The following MEIOB variants were observed in gnomAD, a reference collection of about 807,000 sequenced individuals.
The protein encoded by MEIOB is meiosis specific with OB-fold.
MEIOB carries 50 observed loss-of-function variants against 53.1 expected under a neutral mutation model. The observed-to-expected ratio is 0.94, with a 90% confidence interval of 0.75 to 1.19. The LOEUF is 1.19. MEIOB is among the 50% of genes most tolerant of loss of function. MEIOB has a pLI of 0.00. For synonymous variants in MEIOB, 192 were observed against 182.5 expected (o/e 1.05, Z -0.42); for missense variants, 551 against 550.8 (o/e 1.00, Z 0.00).
chr16:1,867,305 C>T (rs73492269), intron 2 of MEIOB, among the ~76,000 whole-genome samples: 2,175 of 151,996 alleles, frequency 0.014, 55 homozygotes, highest in African/African-American at 0.049. Context: ...ATTGAATTCC[C>T]CTATAACTCC....
chr16:1,861,900 T>G, intron 4 of MEIOB, 85 bp downstream of exon 4: 3 of 1,317,162 alleles, frequency 2.3e-6, no homozygotes, highest in Non-Finnish European at 3.1e-6. Context: ...TGTGTCTCAT[T>G]TCAACTCCTT....
At chr16:1,865,263 C>T (rs774112892) in intron 3 of MEIOB, among the ~76,000 whole-genome samples, 14 of 152,070 alleles carry the variant, frequency 9.2e-5, no homozygotes, top group Admixed American at 3.3e-4. Flanking sequence ...GAAACCCCAT[C>T]TCTACTAAAA....
Position 1,843,925 on chromosome 16 carries a change from T to C in MEIOB, c.880+937A>G, listed in dbSNP as rs1461262396. 3.3e-5 allele frequency among the ~76,000 whole-genome samples: 5 copies of C among 152,242 alleles called. 1 individual carries two copies. The highest frequency in any genetic ancestry group is 3.3e-4 in the Admixed American group (5 of 15,266). ...CTTATCCGGTTCCTTCAGCACTTCA[T>C]TGGTTTCTTTTCTTTTGTTGATGTC... On this transcript the variant is annotated intron_variant, in intron 10 of 13. Coordinates refer to ENST00000325962, the MANE Select transcript of MEIOB (RefSeq NM_001163560.3).
intron 9 of MEIOB, among the ~76,000 whole-genome samples, chr16:1,847,333 G>A (rs924461183): frequency 4.0e-5 from 6 of 151,672 alleles, no homozygotes; most frequent in Middle Eastern, 3.4e-3. Context: ...GTGGTGGTGC[G>A]CGCCTGTAAT....
intron 3 of MEIOB, among the ~76,000 whole-genome samples, chr16:1,864,533 G>A (rs1322715697): frequency 6.8e-6 from 1 of 147,830 alleles, no homozygotes; most frequent in Non-Finnish European, 1.5e-5. Flanking sequence ...TTGCTGCCCA[G>A]GCTGGAGTGC....
intron 9 of MEIOB, 65 bp downstream of exon 9, chr16:1,852,974 T>C: frequency 4.2e-6 from 4 of 960,436 alleles, no homozygotes; most frequent in Non-Finnish European, 6.5e-6. Context: ...TTAAATATAC[T>C]GTATAAATAT....
rs577979316 is a variant in MEIOB, at chr16:1,860,392, C to T, written c.332+11G>A. On this transcript the variant is annotated intron_variant, in intron 5 of 13. Transcript: ENST00000325962. ...ATTCTCGCACAATCTCTGTGCTAGACAGATGCTTACCTAGGAGTTGCAGGG... is the reference window on the plus strand; with the variant it reads ...ATTCTCGCACAATCTCTGTGCTAGATAGATGCTTACCTAGGAGTTGCAGGG... The T allele has an allele frequency of 2.7e-5, 39 of 1,444,252 alleles. 1 individual carries two copies. In the South Asian group the frequency reaches 4.5e-4, roughly 17 times the overall value. 89.5% of individuals were successfully genotyped at this position (1,444,252 alleles called of 1,614,324 possible). A position where few individuals can be genotyped will look rare whatever the true frequency, so the allele number is the denominator to read the frequency against.
In MEIOB at chr16:1,854,027, T is replaced by C. The variant is rs1899237557; in HGVS notation, c.629+73A>G. ...CTCTCTTGATATGAAGTCCATCATA[T>C]TTTTGATAAAATGAAAATGTCCTGG... On this transcript the variant is annotated intron_variant, in intron 7 of 13. Transcript: ENST00000325962. The C allele has an allele frequency of 3.6e-6, 3 of 844,804 alleles. No individual in the cohort carries two copies. The South Asian group carries it at 4.7e-5, about 13-fold the overall frequency. The allele number at this position is 844,804 out of a possible 1,614,324, so 52.3% of individuals were successfully genotyped here. A position where few individuals can be genotyped will look rare whatever the true frequency, so the allele number is the denominator to read the frequency against.
At chr16:1,866,346 A>C (rs2492882) in intron 2 of MEIOB, among the ~76,000 whole-genome samples, 125,559 of 152,160 alleles carry the variant, frequency 0.83, 51,930 homozygotes, top group Middle Eastern at 0.9. Context: ...AGATCTTAAA[A>C]CTTAGAGATA....
Position 1,871,225 on chromosome 16 carries a change from T to TGTTTC in MEIOB, c.-10+767_-10+768insGAAAC, listed in dbSNP as rs1899734349. ...TCTCTTTTACCCTACAATTTTGTTT[T>TGTTTC]GTTTTGTTTTTTGAGACAGAGTCTT... On this transcript the variant is annotated intron_variant, in intron 1 of 13. Coordinates refer to ENST00000325962, the MANE Select transcript of MEIOB (RefSeq NM_001163560.3). 2.6e-5 allele frequency among the ~76,000 whole-genome samples: 4 copies of TGTTTC among 151,316 alleles called. No individual in the cohort carries two copies. In the South Asian group the frequency reaches 8.4e-4, roughly 32 times the overall value.
chr16:1,839,723 G>T, intron 11 of MEIOB: 1 of 325,290 alleles, frequency 3.1e-6, no homozygotes, highest in South Asian at 4.5e-5. Flanking sequence ...TTTCCTTGCT[G>T]GGGCCCTCCC....
Position 1,834,261 on chromosome 16 carries a change from CAT to C in MEIOB, c.1409_1410del (p.His470ArgfsTer14), listed in dbSNP as rs781605061. 1.9e-6 allele frequency: 3 copies of C among 1,579,952 alleles called. No individual in the cohort carries two copies. Among genetic ancestry groups the C allele is most frequent in the Non-Finnish European group, 2.6e-6 (3 of 1,150,634 alleles). On this transcript the variant is annotated frameshift_variant, in exon 14 of 14. Coordinates refer to ENST00000325962, the MANE Select transcript of MEIOB (RefSeq NM_001163560.3). LOFTEE classifies it high-confidence loss of function. ...EASRNLSGQK[H>X]V ...GTTCAAAATGATAGACCGTTTTAAACATGTTTTTGTCCAGACAAGTTTCTGCT... is the reference window on the plus strand; with the variant it reads ...GTTCAAAATGATAGACCGTTTTAAACGTTTTTGTCCAGACAAGTTTCTGCT...
Position 1,857,745 on chromosome 16 carries a change from G to A in MEIOB, c.518C>T (p.Ala173Val). 6.4e-6 allele frequency: 10 copies of A among 1,551,094 alleles called. No individual in the cohort carries two copies. The highest frequency in any genetic ancestry group is 8.7e-6 in the Non-Finnish European group (10 of 1,146,760). Residue 173 changes from alanine to valine, a missense_variant, in exon 6 of 14, where the codon GCT (alanine) becomes GTT (valine). By Grantham distance (64) the Ala-to-Val change is moderately conservative (BLOSUM62 0). Transcript: ENST00000325962. ...GGGGTTTTAACTTACCGATTTCACA[G>A]CTGCAAGCACGTTAATAATCCTCCC... The part of the protein sequence containing the change: ...LNGRIINVLA[A>V]VKSVGEPKYF...
chr16:1,863,318 G>C (rs1416361350), intron 3 of MEIOB, among the ~76,000 whole-genome samples: 1 of 150,920 alleles, frequency 6.6e-6, no homozygotes, highest in Admixed American at 6.6e-5. Flanking sequence ...AGCAGCTGGG[G>C]CTACAGACGC....
chr16:1,840,759 C>T (rs915684181), intron 11 of MEIOB, among the ~76,000 whole-genome samples: 3 of 151,994 alleles, frequency 2.0e-5, no homozygotes, highest in Non-Finnish European at 2.9e-5. Flanking sequence ...ACCGTGTTAG[C>T]CAGGATGGTC....
At chr16:1,860,079 T>G (rs1899405714) in intron 5 of MEIOB, among the ~76,000 whole-genome samples, 1 of 152,194 alleles carries the variant, frequency 6.6e-6, no homozygotes, top group Non-Finnish European at 1.5e-5. Context: ...AGCCTGTGAG[T>G]AGAAGGATAC....
rs945614166 is a variant in MEIOB at position 1,862,114 on chromosome 16, T to C, written c.130A>G (p.Ile44Val). The change falls in exon 4 of 14, where the codon ATT (isoleucine) becomes GTT (valine). Residue 44 changes from isoleucine to valine, a missense_variant and splice_region_variant. Coordinates refer to ENST00000325962, the MANE Select transcript of MEIOB (RefSeq NM_001163560.3). ...DVKGFPDRKNIGSERYTFSFT... is the reference protein window; with the variant it reads ...DVKGFPDRKNVGSERYTFSFT... ...CTGAAAGTGTACCTTTCTGATCCAATATCTAAGGGAAAACCAATGCTTTTA... is the reference window on the plus strand; with the variant it reads ...CTGAAAGTGTACCTTTCTGATCCAACATCTAAGGGAAAACCAATGCTTTTA... 1.9e-6 allele frequency: 3 copies of C among 1,548,920 alleles called. No individual in the cohort carries two copies. Among genetic ancestry groups the C allele is most frequent in the Non-Finnish European group, 2.6e-6 (3 of 1,145,904 alleles).
intron 13 of MEIOB, among the ~76,000 whole-genome samples, chr16:1,834,757 AC>A (rs1464429345): frequency 6.6e-6 from 1 of 151,340 alleles, no homozygotes; most frequent in East Asian, 1.9e-4. Flanking sequence ...ACATGGTGAA[AC>A]TCCCATTTCT....
intron 6 of MEIOB, among the ~76,000 whole-genome samples, chr16:1,856,179 G>A (rs1182852586): frequency 2.9e-5 from 4 of 138,950 alleles, no homozygotes; most frequent in South Asian, 2.3e-4. Flanking sequence ...TTTTTGAGAC[G>A]GAGTCTCGTT....
Sources: allele counts gnomAD v4.1 joint callset (sites outside exome capture counted in the v4.1 genomes callset), GRCh38; gene constraint gnomAD v4.1.1; transcripts MANE v1.5; gene names NCBI Gene and HGNC (gene_info 2026-07-23, HGNC 2026-07-21).